The following FBLN1 variants were observed in gnomAD, a reference collection of about 807,000 sequenced individuals.
FBLN1 encodes the protein fibulin 1.
In FBLN1, 34 loss-of-function variants were observed where a neutral mutation model predicts 89.7. That is an observed-to-expected ratio of 0.38 (90% confidence interval 0.29 to 0.50). The LOEUF (loss-of-function observed/expected upper bound fraction) is 0.50, where lower values mean the gene tolerates loss of function less well. Among genes scored for constraint, FBLN1 ranks in the 20% least tolerant of loss-of-function variants. FBLN1 has a pLI of 0.92. For synonymous variants in FBLN1, 393 were observed against 391.3 expected, an observed-to-expected ratio of 1.00 and a Z score of -0.05; for missense variants, 777 against 988.1, an observed-to-expected ratio of 0.79 and a Z score of 2.86.
chr22:45,544,177 C>T (rs181635247), intron 11 of FBLN1, among the ~76,000 whole-genome samples: 8 of 152,250 alleles, frequency 5.3e-5, no homozygotes, highest in African/African-American at 1.4e-4. Context: ...ACCTCCGCCT[C>T]CCGGGTTCAA....
In FBLN1 at chr22:45,575,785, C is replaced by G. The variant is rs776489640; in HGVS notation, c.1840+1132C>G. Among the ~76,000 whole-genome samples the G allele has an allele frequency of 2.0e-5, 3 of 152,198 alleles. No individual in the cohort carries two copies. Among genetic ancestry groups the G allele is most frequent in the Non-Finnish European group, 4.4e-5 (3 of 68,020 alleles). On this transcript the variant is annotated intron_variant, in intron 15 of 16. Coordinates refer to ENST00000327858, the MANE Select transcript of FBLN1 (RefSeq NM_006486.3). This position sits in a 1 kb window ranked among gnomAD's most constrained non-coding sequence, Gnocchi z 6.3. ...AGAGGGCTATGGATGGAGCATTGTC[C>G]TGTTCACCTCGCTTCCTGGCTGTGC...
At chr22:45,504,715 ATG>A (rs2087995298) in intron 1 of FBLN1, among the ~76,000 whole-genome samples, 1 of 151,806 alleles carries the variant, frequency 6.6e-6, no homozygotes, top group South Asian at 2.1e-4. Context: ...ATTTCTCCCT[ATG>A]TGTGTGTGAC....
At position 45,600,294 on chromosome 22, in the gene FBLN1, G is replaced by C; in HGVS notation, c.1973-13G>C. 1 of 1,614,172 alleles carries C rather than the reference G, an allele frequency of 6.2e-7. No homozygotes were observed. Among genetic ancestry groups the C allele is most frequent in the Non-Finnish European group, 8.5e-7 (1 of 1,180,032 alleles). On this transcript the variant is annotated splice_polypyrimidine_tract_variant and intron_variant, in intron 16 of 16. Coordinates refer to ENST00000327858, the MANE Select transcript of FBLN1 (RefSeq NM_006486.3). ...CCTTCTAACTTCCAGCACACCTTCT[G>C]CTCTCTCCGCAGGTGTCGTGCGCCA...
intron 1 of FBLN1, among the ~76,000 whole-genome samples, chr22:45,518,417 CAG>C (rs2088200049): frequency 6.6e-6 from 1 of 152,296 alleles, no homozygotes; most frequent in East Asian, 1.9e-4. Context: ...GCTTGGATCT[CAG>C]GGGCTGAGCC....
intron 16 of FBLN1, among the ~76,000 whole-genome samples, chr22:45,589,321 T>C (rs1037611327): frequency 1.3e-5 from 2 of 151,918 alleles, no homozygotes; most frequent in African/African-American, 4.8e-5. Context: ...CCCAGCGACC[T>C]TGGGGAGGGC....
chr22:45,560,686 A>G (rs1274317681), intron 14 of FBLN1, among the ~76,000 whole-genome samples: 1 of 152,136 alleles, frequency 6.6e-6, no homozygotes, highest in Non-Finnish European at 1.5e-5. Flanking sequence ...CACCCTTAAT[A>G]TCCATTCTCA....
At chr22:45,528,065 G>T (rs1162522740) in intron 4 of FBLN1, 56 bp downstream of exon 4, 1 of 1,582,892 alleles carries the variant, frequency 6.3e-7, no homozygotes, top group Non-Finnish European at 8.7e-7. Context: ...TCCGGGATGT[G>T]TATATAGAGC....
In FBLN1 at chr22:45,575,316, G is replaced by A. The variant is rs550908895; in HGVS notation, c.1840+663G>A. Among the ~76,000 whole-genome samples, 48 of 152,268 alleles carry A rather than the reference G, an allele frequency of 3.2e-4. No individual in the cohort carries two copies. The highest frequency in any genetic ancestry group is 5.4e-4 in the Non-Finnish European group (37 of 68,028). ...GAGTGGTGAGGTATTTGAGTGAAAG[G>A]GGGAGAAGGGGAGGAGGGTGCCCAG... On this transcript the variant is annotated intron_variant, in intron 15 of 16. Coordinates refer to ENST00000327858, the MANE Select transcript of FBLN1 (RefSeq NM_006486.3). The surrounding 1 kb of genome is among the most constrained non-coding windows in gnomAD (Gnocchi z 6.3).
At chr22:45,551,574 G>T (rs2088701708) in intron 14 of FBLN1, among the ~76,000 whole-genome samples, 1 of 152,236 alleles carries the variant, frequency 6.6e-6, no homozygotes, top group African/African-American at 2.4e-5. Context: ...ATTCTCATTG[G>T]CTGGCCCAGC....
Position 45,597,960 on chromosome 22 carries a change from A to T in FBLN1, c.1973-2347A>T, listed in dbSNP as rs1569271019. On this transcript the variant is annotated intron_variant, in intron 16 of 16. Transcript: ENST00000327858. The surrounding 1 kb of genome is among the most constrained non-coding windows in gnomAD (Gnocchi z 4.2). ...TGATGTTCCTGACCAGGAACCAGCCACTCGTACCGAAGGCCTTCCTGACCC... is the reference window on the plus strand; with the variant it reads ...TGATGTTCCTGACCAGGAACCAGCCTCTCGTACCGAAGGCCTTCCTGACCC... Among the ~76,000 whole-genome samples the T allele has an allele frequency of 1.3e-5, 2 of 151,998 alleles. No homozygotes were observed. The highest frequency in any genetic ancestry group is 2.9e-5 in the Non-Finnish European group (2 of 67,990).
At chr22:45,517,157 G>A (rs1256583756) in intron 1 of FBLN1, among the ~76,000 whole-genome samples, 2 of 152,218 alleles carry the variant, frequency 1.3e-5, no homozygotes, top group Non-Finnish European at 2.9e-5. Flanking sequence ...TTCAGGCAGG[G>A]CACCCACAGT....
chr22:45,534,685 C>T (rs2088460855), intron 7 of FBLN1, among the ~76,000 whole-genome samples: 1 of 152,204 alleles, frequency 6.6e-6, no homozygotes. Flanking sequence ...GTGGTTTGGA[C>T]CCCTAGAGCC....
chr22:45,550,477 T>TG lies in FBLN1; in HGVS notation c.1574-11dup, dbSNP rs763679554. The TG allele has an allele frequency of 1.9e-6, 3 of 1,613,884 alleles. No homozygotes were observed. Among genetic ancestry groups the TG allele is most frequent in the East Asian group, 4.5e-5 (2 of 44,882 alleles). On this transcript the variant is annotated splice_polypyrimidine_tract_variant and intron_variant, in intron 13 of 16. Transcript: ENST00000327858. The surrounding 1 kb of genome is among the most constrained non-coding windows in gnomAD (Gnocchi z 8.4). ...AGCCTCTGCCTTCACTGTGCTGCTG[T>TG]GGGGTCTCTTGCAGACATTGATGAG...
In FBLN1 at chr22:45,535,315, A is replaced by G. The variant is rs750631703; in HGVS notation, c.900A>G (p.Gln300=). The G allele has an allele frequency of 1.9e-6, 3 of 1,614,216 alleles. No homozygotes were observed. Among genetic ancestry groups the G allele is most frequent in the Non-Finnish European group, 1.7e-6 (2 of 1,180,034 alleles). The stretch of plus-strand genomic sequence containing the variant: ...TACAGTGCAAGAGTGGCTTTATACA[A>G]GATGCTCTAGGCAACTGTATTGGTA... ...PKLQCKSGFI[Q]DALGNCIDIN... The change falls in exon 8 of 17, where the codon CAA becomes CAG. Residue 300 remains glutamine, a synonymous_variant. Coordinates refer to ENST00000327858, the MANE Select transcript of FBLN1 (RefSeq NM_006486.3).
Position 45,550,435 on chromosome 22 carries a change from A to T in FBLN1, c.1574-57A>T. The T allele has an allele frequency of 6.2e-7, 1 of 1,612,964 alleles. No individual in the cohort carries two copies. Among genetic ancestry groups the T allele is most frequent in the Non-Finnish European group, 8.5e-7 (1 of 1,179,782 alleles). ...GAGGCCTGGGCTCCTCCGTCTCCAG[A>T]TGGGTATGGCTCCTGCAGCCTCTGC... On this transcript the variant is annotated intron_variant, in intron 13 of 16. Transcript: ENST00000327858. This position sits in a 1 kb window ranked among gnomAD's most constrained non-coding sequence, Gnocchi z 8.4.
Position 45,577,044 on chromosome 22 carries a change from C to G in FBLN1, c.1908C>G (p.Ile636Met). The change falls in exon 16 of 17, where the codon ATC becomes ATG. Residue 636 changes from isoleucine (I) to methionine (M), a missense_variant. Coordinates refer to ENST00000327858, the MANE Select transcript of FBLN1 (RefSeq NM_006486.3). This position sits in a 1 kb window ranked among gnomAD's most constrained non-coding sequence, Gnocchi z 6.6. Reference sequence around the variant, plus strand: ...GCCAGGCTAACATCATCTTCGACATCACGGAAGGGAACCTGCGGGACTCTT... The same window carrying G: ...GCCAGGCTAACATCATCTTCGACATGACGGAAGGGAACCTGCGGGACTCTT... ...PASQANIIFDITEGNLRDSFD... is the reference protein window; with the variant it reads ...PASQANIIFDMTEGNLRDSFD... 1 of 1,614,158 alleles carries G rather than the reference C, an allele frequency of 6.2e-7. No homozygotes were observed. The highest frequency in any genetic ancestry group is 8.5e-7 in the Non-Finnish European group (1 of 1,180,016).
In FBLN1 at chr22:45,583,741, G is replaced by T. The variant is rs1486497551; in HGVS notation, c.1972+6633G>T. Among the ~76,000 whole-genome samples, 3 of 152,136 alleles carry T rather than the reference G, an allele frequency of 2.0e-5. No homozygotes were observed. Among genetic ancestry groups the T allele is most frequent in the African/African-American group, 7.2e-5 (3 of 41,418 alleles). ...TTACTCACAGGTCCTAGAGAGGTGG[G>T]GAGCACCCCTTGCAGGGCCAATGGG... On this transcript the variant is annotated intron_variant, in intron 16 of 16. Transcript: ENST00000327858. This position sits in a 1 kb window ranked among gnomAD's most constrained non-coding sequence, Gnocchi z 4.5.
intron 1 of FBLN1, among the ~76,000 whole-genome samples, chr22:45,511,559 AC>A (rs2146941263): frequency 6.8e-6 from 1 of 147,720 alleles, no homozygotes; most frequent in South Asian, 2.2e-4. Flanking sequence ...TGATTCTCTC[AC>A]CTCAGCCTCC....
chr22:45,570,335 A>AAAAAAAAAAG (rs2088941314), intron 14 of FBLN1, among the ~76,000 whole-genome samples: 18 of 92,746 alleles, frequency 1.9e-4, no homozygotes, highest in South Asian at 3.9e-4. Flanking sequence ...AAAAAAAAAA[A>AAAAAAAAAAG]AAAAGAAAAG....
Sources: gnomAD v4.1 joint callset for allele counts (sites outside exome capture counted in the v4.1 genomes callset) on GRCh38, gnomAD v4.1.1 for gene constraint, Gnocchi (gnomAD v3.1) non-coding constraint, MANE v1.5 for transcripts, NCBI Gene and HGNC (gene_info 2026-07-23, HGNC 2026-07-21) for gene names.